Variants in KIAA1958 observed in about 807,000 individuals in gnomAD.
KIAA1958 encodes the protein KIAA1958, also known as uncharacterized protein KIAA1958.
KIAA1958 carries 14 observed loss-of-function variants against 47.2 expected under a neutral mutation model. That is an observed-to-expected ratio of 0.30 (90% CI 0.20 to 0.46). KIAA1958 has a LOEUF of 0.46. Ranked by LOEUF, KIAA1958 falls within the 20% of genes least tolerant of loss-of-function variation. The pLI, the probability that KIAA1958 is intolerant of heterozygous loss-of-function variation, is 1.00. For synonymous variants in KIAA1958, 354 were observed against 353.3 expected (o/e 1.00, Z -0.02); for missense variants, 803 against 909.2 (o/e 0.88, Z 1.50).
chr9:112,600,018 G>A (rs375173206), intron 2 of KIAA1958, among the ~76,000 whole-genome samples: 84 of 152,228 alleles, frequency 5.5e-4, no homozygotes, highest in East Asian at 5.2e-3. Context: ...CTGCTAAGCC[G>A]GCAAATGCAG....
In KIAA1958 at chr9:112,502,910, A is replaced by G. The variant is rs547627171; in HGVS notation, c.-25+15792A>G. Among the ~76,000 whole-genome samples, 414 of 152,372 alleles carry G rather than the reference A, an allele frequency of 2.7e-3. 2 individuals are homozygous for G. Among genetic ancestry groups the G allele is most frequent in the African/African-American group, 9.5e-3 (396 of 41,592 alleles). ...AGGGGAATTATTGGCTAAATCCTTG[A>G]TAAAACTGGATCTAGCCATTTACAA... On this transcript the variant is annotated intron_variant, in intron 1 of 3. Coordinates refer to ENST00000337530, the MANE Select transcript of KIAA1958 (RefSeq NM_133465.4).
chr9:112,574,626 C>G lies in KIAA1958; in HGVS notation c.546C>G (p.Leu182=). Reference sequence around the variant, plus strand: ...GACCTGGGGTAGTCCCATCTTCCCTCCATTCAAGCTCCCAGACGCAGATGG... The same window carrying G: ...GACCTGGGGTAGTCCCATCTTCCCTGCATTCAAGCTCCCAGACGCAGATGG... ...RKRPGVVPSS[L]HSSSQTQMVD... is the part of the protein sequence containing the mutation. Residue 182 remains leucine (L), a synonymous_variant, in exon 2 of 4, where the codon CTC becomes CTG. Transcript: ENST00000337530. 1.2e-6 allele frequency: 2 copies of G among 1,614,196 alleles called. No homozygotes were observed. Among genetic ancestry groups the G allele is most frequent in the Non-Finnish European group, 8.5e-7 (1 of 1,180,032 alleles).
At chr9:112,493,789 T>G (rs1379193385) in intron 1 of KIAA1958, among the ~76,000 whole-genome samples, 1 of 152,224 alleles carries the variant, frequency 6.6e-6, no homozygotes, top group Non-Finnish European at 1.5e-5. Flanking sequence ...TCACTTTGAC[T>G]GAATAAAAAT....
intron 1 of KIAA1958, among the ~76,000 whole-genome samples, chr9:112,552,001 CAG>C (rs1835159344): frequency 6.6e-6 from 1 of 152,166 alleles, no homozygotes; most frequent in South Asian, 2.1e-4. Context: ...ATCTAAAAAT[CAG>C]AGTGACATAA....
In KIAA1958 at chr9:112,516,144, A is replaced by G. The variant is rs1387114655; in HGVS notation, c.-25+29026A>G. 3.3e-5 allele frequency among the ~76,000 whole-genome samples: 5 copies of G among 152,264 alleles called. No individual in the cohort carries two copies. The East Asian group carries it at 5.8e-4, about 18-fold the overall frequency. ...TAGAAATTCTAGAACTAATTAATCAATTTTGGAAGGTTGCAGGATGAAATT... is the reference window on the plus strand; with the variant it reads ...TAGAAATTCTAGAACTAATTAATCAGTTTTGGAAGGTTGCAGGATGAAATT... On this transcript the variant is annotated intron_variant, in intron 1 of 3. Coordinates refer to ENST00000337530, the MANE Select transcript of KIAA1958 (RefSeq NM_133465.4).
At chr9:112,576,879 C>G (rs898565005) in intron 2 of KIAA1958, among the ~76,000 whole-genome samples, 1 of 151,914 alleles carries the variant, frequency 6.6e-6, no homozygotes, top group Non-Finnish European at 1.5e-5. Flanking sequence ...ATTGCTGGGT[C>G]CTGTGGTAAC....
intron 1 of KIAA1958, among the ~76,000 whole-genome samples, chr9:112,493,938 T>C: frequency 6.6e-6 from 1 of 152,218 alleles, no homozygotes; most frequent in African/African-American, 2.4e-5. Flanking sequence ...CACAATTACT[T>C]AACTGTGCCA....
At chr9:112,492,038 A>G (rs1833978933) in intron 1 of KIAA1958, among the ~76,000 whole-genome samples, 1 of 152,174 alleles carries the variant, frequency 6.6e-6, no homozygotes, top group Non-Finnish European at 1.5e-5. Context: ...TTTCTGTTAT[A>G]GGACTTCATA....
At chr9:112,499,136 G>A (rs896351383) in intron 1 of KIAA1958, among the ~76,000 whole-genome samples, 1 of 152,154 alleles carries the variant, frequency 6.6e-6, no homozygotes, top group Non-Finnish European at 1.5e-5. Flanking sequence ...CTTTATCCAT[G>A]CATCGGTTGA....
chr9:112,563,820 G>A (rs1007311604), intron 1 of KIAA1958, among the ~76,000 whole-genome samples: 1 of 151,792 alleles, frequency 6.6e-6, no homozygotes, highest in African/African-American at 2.4e-5. Context: ...AATCTTAAAA[G>A]GAAATAGTTG....
At chr9:112,617,881 A>T (rs1461123389) in intron 2 of KIAA1958, 1 of 1,547,950 alleles carries the variant, frequency 6.5e-7, no homozygotes, top group Admixed American at 2.0e-5. Flanking sequence ...ACCAGGATGA[A>T]AGAGCAGCTG....
At chr9:112,500,320 C>G (rs911653941) in intron 1 of KIAA1958, among the ~76,000 whole-genome samples, 1 of 152,126 alleles carries the variant, frequency 6.6e-6, no homozygotes, top group African/African-American at 2.4e-5. Context: ...AGGCTGGTCT[C>G]GAACTCCTGA....
chr9:112,631,487 C>T (rs900855770), intron 2 of KIAA1958, among the ~76,000 whole-genome samples: 13 of 139,808 alleles, frequency 9.3e-5, no homozygotes, highest in African/African-American at 1.9e-4. Flanking sequence ...GCTGTGATTA[C>T]GCCACTGCAC....
intron 2 of KIAA1958, among the ~76,000 whole-genome samples, chr9:112,621,364 G>A (rs1262695666): frequency 2.0e-5 from 3 of 152,112 alleles, no homozygotes; most frequent in South Asian, 2.1e-4. Flanking sequence ...TTAAAAAAAG[G>A]TCTCTGTAAA....
chr9:112,498,342 A>G (rs1423681509), intron 1 of KIAA1958, among the ~76,000 whole-genome samples: 3 of 152,132 alleles, frequency 2.0e-5, no homozygotes, highest in South Asian at 4.1e-4. Flanking sequence ...TAGCATCTGG[A>G]TGAACCCAAG....
chr9:112,541,715 C>T (rs902273302), intron 1 of KIAA1958, among the ~76,000 whole-genome samples: 3 of 151,766 alleles, frequency 2.0e-5, no homozygotes, highest in African/African-American at 7.3e-5. Context: ...GCTGAGGATT[C>T]AATTGCTTGA....
chr9:112,543,418 T>C (rs1428968797), intron 1 of KIAA1958, among the ~76,000 whole-genome samples: 1 of 152,192 alleles, frequency 6.6e-6, no homozygotes, highest in Non-Finnish European at 1.5e-5. Flanking sequence ...CATTAGTAAA[T>C]GGATGCTGAG....
chr9:112,659,723 A>G lies in KIAA1958; in HGVS notation c.1805A>G (p.Lys602Arg), dbSNP rs1837230884. 1 of 1,614,092 alleles carries G rather than the reference A, an allele frequency of 6.2e-7. No individual in the cohort carries two copies. ...TACTTTGCCCGGACGGACAGCGTCA[A>G]GCGGGAGAGTCGGAGCGGCTCCACC... is the stretch of plus-strand genomic sequence containing the variant. ...QPYFARTDSV[K>R]RESRSGSTRV... Residue 602 changes from lysine to arginine, a missense_variant, in exon 4 of 4, where the codon AAG (lysine) becomes AGG (arginine). Coordinates refer to ENST00000337530, the MANE Select transcript of KIAA1958 (RefSeq NM_133465.4).
Position 112,667,280 on chromosome 9 carries a change from A to G in KIAA1958, c.*7211A>G, listed in dbSNP as rs1299768957. The stretch of plus-strand genomic sequence containing the variant: ...TAGAGAAAAAAATAAAATGAGGCAT[A>G]TAAAAAAGTCAATGGGCCAGGCGCG... On this transcript the variant is annotated 3_prime_UTR_variant, in exon 4 of 4. Transcript: ENST00000337530. 1.3e-5 allele frequency: 2 copies of G among 152,232 alleles called. No homozygotes were observed. Among genetic ancestry groups the G allele is most frequent in the South Asian group, 2.1e-4 (1 of 4,770 alleles). 9.4% of individuals were successfully genotyped at this position (152,232 alleles called of 1,614,324 possible). A position where few individuals can be genotyped will look rare whatever the true frequency, so the allele number is the denominator to read the frequency against.
Sources: gnomAD v4.1 joint callset for allele counts (sites outside exome capture counted in the v4.1 genomes callset) on GRCh38, gnomAD v4.1.1 for gene constraint, MANE v1.5 for transcripts, NCBI Gene and HGNC (gene_info 2026-07-23, HGNC 2026-07-21) for gene names.